The following COLEC11 variants were observed in gnomAD, a reference collection of about 807,000 sequenced individuals.
The protein encoded by COLEC11 is collectin-11.
COLEC11 carries 20 observed loss-of-function variants against 27.3 expected under a neutral mutation model. The ratio of observed to expected loss-of-function variants is 0.73; its 90% CI spans 0.51 to 1.06. The LOEUF (loss-of-function observed/expected upper bound fraction) is 1.06. Among genes scored for constraint, COLEC11 ranks in the 50% least tolerant of loss-of-function variants. The pLI, the probability that COLEC11 is intolerant of heterozygous loss-of-function variation, is 0.00. For missense variants in COLEC11, 310 were observed against 383.0 expected (o/e 0.81, Z 1.59); for synonymous variants, 163 against 154.7 (o/e 1.05, Z -0.40).
intron 2 of COLEC11, among the ~76,000 whole-genome samples, chr2:3,607,831 G>A (rs72767199): frequency 0.057 from 8,709 of 152,234 alleles, 359 homozygotes; most frequent in African/African-American, 0.12. Context: ...AATAACATGC[G>A]CTGTGGGAGG....
At chr2:3,616,125 C>A (rs531936047) in intron 3 of COLEC11, among the ~76,000 whole-genome samples, 1 of 143,336 alleles carries the variant, frequency 7.0e-6, no homozygotes, top group Non-Finnish European at 1.5e-5. Context: ...CACACGGGGT[C>A]GTGGCTGGGC....
chr2:3,641,410 C>A, intron 5 of COLEC11: 1 of 1,293,988 alleles, frequency 7.7e-7, no homozygotes, highest in Non-Finnish European at 1.0e-6. Context: ...GACAAAGCCT[C>A]TGGGAGACAG....
intron 2 of COLEC11, among the ~76,000 whole-genome samples, chr2:3,609,149 A>G (rs915875828): frequency 6.6e-6 from 1 of 152,180 alleles, no homozygotes. Context: ...GATGGCATGT[A>G]AGTGGATTTT....
chr2:3,644,150 C>T lies in COLEC11; in HGVS notation c.*32C>T, dbSNP rs1194016110. ...GGCTGGGGCTGCCCATTGGGGGCCC[C>T]ACATGTCCCTGCAGGGTTGGCAGGG... On this transcript the variant is annotated 3_prime_UTR_variant, in exon 7 of 7. Transcript: ENST00000349077. The T allele has an allele frequency of 8.7e-6, 14 of 1,602,238 alleles. No homozygotes were observed. Among genetic ancestry groups the T allele is most frequent in the Non-Finnish European group, 1.1e-5 (13 of 1,179,960 alleles).
chr2:3,613,431 C>A (rs72769325), intron 3 of COLEC11, 49 bp downstream of exon 3: 2 of 1,542,472 alleles, frequency 1.3e-6, no homozygotes, highest in East Asian at 2.4e-5. Context: ...ATGGAGGCAC[C>A]GCTCCTGCTA....
At chr2:3,621,226 G>A (rs1664163576) in intron 3 of COLEC11, among the ~76,000 whole-genome samples, 2 of 152,098 alleles carry the variant, frequency 1.3e-5, no homozygotes, top group Admixed American at 1.3e-4. Context: ...GTGTATATTT[G>A]TAATGATTAT....
In COLEC11 at chr2:3,643,806, G is replaced by C. The variant is rs1558523703; in HGVS notation, c.504G>C (p.Leu168=). The C allele has an allele frequency of 6.2e-7, 1 of 1,613,536 alleles. No homozygotes were observed. Residue 168 remains leucine (L), a synonymous_variant, in exon 7 of 7, where the codon CTG becomes CTC. Coordinates refer to ENST00000349077, the MANE Select transcript of COLEC11 (RefSeq NM_024027.5). ...KEEKRYADAQ[L]SCQGRGGTLS... is the part of the protein sequence containing the mutation. ...AGAAGCGCTACGCGGACGCCCAGCT[G>C]TCCTGCCAGGGCCGCGGGGGCACGC...
At chr2:3,610,545 G>A (rs928856357) in intron 2 of COLEC11, among the ~76,000 whole-genome samples, 2 of 152,144 alleles carry the variant, frequency 1.3e-5, no homozygotes, top group African/African-American at 4.8e-5. Context: ...AATCACTATT[G>A]GCCTGGACCG....
intron 3 of COLEC11, among the ~76,000 whole-genome samples, chr2:3,633,223 T>C (rs1665141965): frequency 6.6e-6 from 1 of 152,160 alleles, no homozygotes; most frequent in Non-Finnish European, 1.5e-5. Flanking sequence ...CAGGAGACAG[T>C]GGAGGAGAAG....
At chr2:3,600,861 T>C (rs1328607543) in intron 1 of COLEC11, among the ~76,000 whole-genome samples, 1 of 152,254 alleles carries the variant, frequency 6.6e-6, no homozygotes, top group Non-Finnish European at 1.5e-5. Context: ...TTCATGGTAC[T>C]GCTTTTGTGT....
chr2:3,608,051 C>T (rs188803091), intron 2 of COLEC11, among the ~76,000 whole-genome samples: 3 of 152,318 alleles, frequency 2.0e-5, no homozygotes, highest in Non-Finnish European at 2.9e-5. Context: ...GCACTGTCCA[C>T]GGATCTTCCT....
intron 3 of COLEC11, among the ~76,000 whole-genome samples, chr2:3,636,155 G>C (rs931517326): frequency 6.6e-6 from 1 of 152,220 alleles, no homozygotes; most frequent in Non-Finnish European, 1.5e-5. Flanking sequence ...GCGTGCGATA[G>C]AAAGTCCTTC....
At chr2:3,627,791 CGATGCTGGGCACAATGCTGCACACGAT>C (rs1447092829) in intron 3 of COLEC11, among the ~76,000 whole-genome samples, 1 of 149,820 alleles carries the variant, frequency 6.7e-6, no homozygotes, top group Non-Finnish European at 1.5e-5. Flanking sequence ...CTGGGCACGA[CGATGCTGGGCACAATGCTGCACACGAT>C]GATGCTGGGC....
In COLEC11 at chr2:3,607,449, C is replaced by CTTTTTTTTTTTTT. The variant is rs377560723; in HGVS notation, c.130+2982_130+2994dup. Reference sequence around the variant, plus strand: ...CTTTATCAAATGAATTTTTTTTTTGCTTTTTTTTTTTTTTTGAGATGGAGT... The same window carrying CTTTTTTTTTTTTT: ...CTTTATCAAATGAATTTTTTTTTTGCTTTTTTTTTTTTTTTTTTTTTTTTTTTTGAGATGGAGT... On this transcript the variant is annotated intron_variant, in intron 2 of 6. Transcript: ENST00000349077. Among the ~76,000 whole-genome samples the CTTTTTTTTTTTTT allele has an allele frequency of 9.3e-4, 102 of 109,158 alleles. 3 individuals are homozygous for CTTTTTTTTTTTTT. Among genetic ancestry groups the CTTTTTTTTTTTTT allele is most frequent in the East Asian group, 1.5e-3 (5 of 3,364 alleles). The allele number at this position is 109,158 out of a possible 152,430, so 71.6% of individuals were successfully genotyped here.
Position 3,602,382 on chromosome 2 carries a change from C to T in COLEC11, c.-26-1933C>T, listed in dbSNP as rs1266581899. Among the ~76,000 whole-genome samples the T allele has an allele frequency of 1.3e-5, 2 of 152,196 alleles. No individual in the cohort carries two copies. The highest frequency in any genetic ancestry group is 2.9e-5 in the Non-Finnish European group (2 of 68,046). ...TCACTTCACCTCCTCAGTTCTGTTT[C>T]TCAGCAGCTGGCTGCACTGTTCACC... On this transcript the variant is annotated intron_variant, in intron 1 of 6. Transcript: ENST00000349077. The surrounding 1 kb of genome is among the most constrained non-coding windows in gnomAD (Gnocchi z 6.2).
chr2:3,611,030 C>T (rs1255057155), intron 2 of COLEC11, among the ~76,000 whole-genome samples: 2 of 152,148 alleles, frequency 1.3e-5, no homozygotes, highest in East Asian at 1.9e-4. Flanking sequence ...TGTGGTTCTC[C>T]GCAGGCCCTT....
intron 3 of COLEC11, among the ~76,000 whole-genome samples, chr2:3,616,243 C>T (rs1663718331): frequency 6.6e-6 from 1 of 150,564 alleles, no homozygotes; most frequent in Admixed American, 6.6e-5. Flanking sequence ...GACAGGATGG[C>T]GGCCGGGAAG....
intron 3 of COLEC11, among the ~76,000 whole-genome samples, chr2:3,619,672 C>A (rs1324753427): frequency 6.6e-6 from 1 of 152,236 alleles, no homozygotes; most frequent in Non-Finnish European, 1.5e-5. Context: ...GTTGCCCAGG[C>A]TGGAGTGCAA....
intron 2 of COLEC11, chr2:3,606,029 C>A: frequency 6.5e-7 from 1 of 1,532,158 alleles, no homozygotes; most frequent in South Asian, 1.2e-5. Context: ...GCAACTTAAA[C>A]TGTTGGATGC....
Sources: gnomAD v4.1 joint callset for allele counts (sites outside exome capture counted in the v4.1 genomes callset) on GRCh38, gnomAD v4.1.1 for gene constraint, Gnocchi (gnomAD v3.1) non-coding constraint, MANE v1.5 for transcripts, NCBI Gene and HGNC (gene_info 2026-07-23, HGNC 2026-07-21) for gene names.